Variants in PRRC2C observed in about 807,000 individuals in gnomAD.
The protein encoded by PRRC2C is proline rich coiled-coil 2C, also known as protein PRRC2C.
In PRRC2C, 72 loss-of-function variants were observed where a neutral mutation model predicts 317.2. The observed-to-expected ratio is 0.23, with a 90% CI of 0.19 to 0.28. The LOEUF is 0.28. PRRC2C is among the 10% of genes least tolerant of loss of function. The probability of loss-of-function intolerance (pLI) is 1.00; values close to 1 mark genes in which losing one functional copy is unlikely to be tolerated. For missense variants in PRRC2C, 3,074 were observed against 3,459.7 expected (o/e 0.89, Z 2.80); for synonymous variants, 1,296 against 1,205.9 (o/e 1.07, Z -1.55).
intron 13 of PRRC2C, 39 bp from the exon 14 acceptor site, chr1:171,535,990 G>A (rs1435338981): frequency 1.3e-6 from 2 of 1,548,672 alleles, no homozygotes; most frequent in East Asian, 2.4e-5. Flanking sequence ...TTTGTCATGT[G>A]GAACTAAACT....
chr1:171,570,431 G>C (rs1280623211), intron 23 of PRRC2C, among the ~76,000 whole-genome samples: 1 of 152,130 alleles, frequency 6.6e-6, no homozygotes, highest in Non-Finnish European at 1.5e-5. Context: ...ATGTCTTGAA[G>C]ATTAAATGCA....
Position 171,512,131 on chromosome 1 carries a change from A to G in PRRC2C, c.43A>G (p.Lys15Glu). The change falls in exon 2 of 35, where the codon AAA becomes GAA. Residue 15 changes from lysine to glutamate, a missense_variant. By Grantham distance (56) the Lys-to-Glu change is moderately conservative. Transcript: ENST00000647382. ...SGQSTKAKDGKKYATLSLFNT... is the reference protein window; with the variant it reads ...SGQSTKAKDGEKYATLSLFNT... ...CCAGAGCACAAAAGCAAAGGATGGG[A>G]AAAAGTATGCAACACTCAGTTTATT... The G allele has an allele frequency of 6.3e-7, 1 of 1,579,698 alleles. No individual in the cohort carries two copies.
At chr1:171,585,103 TTAAG>T (rs1649566299) in intron 30 of PRRC2C, among the ~76,000 whole-genome samples, 1 of 152,116 alleles carries the variant, frequency 6.6e-6, no homozygotes, top group Non-Finnish European at 1.5e-5. Context: ...TTTTTTTTAA[TTAAG>T]GGGGAAAAAA....
At chr1:171,552,659 G>A (rs1330684422) in intron 18 of PRRC2C, among the ~76,000 whole-genome samples, 1 of 152,178 alleles carries the variant, frequency 6.6e-6, no homozygotes, top group Non-Finnish European at 1.5e-5. Context: ...TTTATTGAGA[G>A]TTTTTAGTAT....
rs779804452 is a variant in PRRC2C, at chr1:171,532,633, G to A, written c.1545G>A (p.Arg515=). The change falls in exon 12 of 35, where the codon CGG becomes CGA. Residue 515 remains arginine, a synonymous_variant. Coordinates refer to ENST00000647382, the MANE Select transcript of PRRC2C (RefSeq NM_001387844.1). ...EIREREREKE[R]EREKELEKEQ... ...GGGAAAGGGAGCGAGAAAAAGAACG[G>A]GAGCGTGAGAAAGAACTTGAAAAAG... is the stretch of plus-strand genomic sequence containing the variant. 6.4e-7 allele frequency: 1 copy of A among 1,552,016 alleles called. No homozygotes were observed. The highest frequency in any genetic ancestry group is 2.0e-5 in the Admixed American group (1 of 50,968).
chr1:171,503,867 CAA>C (rs938785611), intron 1 of PRRC2C, among the ~76,000 whole-genome samples: 38 of 152,246 alleles, frequency 2.5e-4, no homozygotes, highest in African/African-American at 8.7e-4. Flanking sequence ...TGGCAGCAGA[CAA>C]AGAGAGAGAA....
rs1443613196 is a variant in PRRC2C at position 171,591,958 on chromosome 1, C to G, written c.*111C>G. On this transcript the variant is annotated 3_prime_UTR_variant, in exon 35 of 35. Transcript: ENST00000647382. ...AAATGGCCTGTGACATTATCCTGTT[C>G]AGAGCTTGGAGATGTACAAGGGACA... 7.9e-6 allele frequency: 11 copies of G among 1,387,786 alleles called. No homozygotes were observed. Among genetic ancestry groups the G allele is most frequent in the East Asian group, 2.3e-5 (1 of 43,484 alleles). The allele number at this position is 1,387,786 out of a possible 1,614,324, so 86.0% of individuals were successfully genotyped here.
intron 3 of PRRC2C, 126 bp downstream of exon 3, chr1:171,513,298 A>T: frequency 3.7e-6 from 4 of 1,084,454 alleles, no homozygotes; most frequent in Non-Finnish European, 5.3e-6. Context: ...TATACTCTTT[A>T]AAGTCTTTTG....
At chr1:171,532,252 T>A in intron 11 of PRRC2C, 91 bp from the exon 12 acceptor site, 1 of 1,348,850 alleles carries the variant, frequency 7.4e-7, no homozygotes, top group Non-Finnish European at 9.9e-7. Context: ...ATTTCTGATA[T>A]TTTTGTGGGG....
chr1:171,571,428 A>G lies in PRRC2C; in HGVS notation c.6753+7A>G. 1.3e-6 allele frequency: 2 copies of G among 1,561,406 alleles called. No homozygotes were observed. Among genetic ancestry groups the G allele is most frequent in the Non-Finnish European group, 1.8e-6 (2 of 1,132,336 alleles). On this transcript the variant is annotated splice_region_variant and intron_variant, in intron 24 of 34. Coordinates refer to ENST00000647382, the MANE Select transcript of PRRC2C (RefSeq NM_001387844.1). ...TTTCAGCCTCACCTTCAAGGTATGT[A>G]CAACATCCATCTCTAAGAGTCCTTA...
chr1:171,516,258 T>A (rs1672342015), intron 5 of PRRC2C, among the ~76,000 whole-genome samples: 1 of 152,162 alleles, frequency 6.6e-6, no homozygotes, highest in South Asian at 2.1e-4. Context: ...ACAAATAATT[T>A]TGGATAATGA....
intron 19 of PRRC2C, among the ~76,000 whole-genome samples, chr1:171,559,690 T>A (rs1020431129): frequency 6.6e-6 from 1 of 151,766 alleles, no homozygotes; most frequent in Non-Finnish European, 1.5e-5. Context: ...CCTGGCTAAT[T>A]TTGTATTTTT....
rs1033005028 is a variant in PRRC2C, at chr1:171,496,260, T to C, written c.-58+10525T>C. ...CCCTGTTGCCCTGGCTGGAGTACAG[T>C]GGTGCTATCTTGGCTCACTACAGCC... is the stretch of plus-strand genomic sequence containing the variant. On this transcript the variant is annotated intron_variant, in intron 1 of 34. Transcript: ENST00000647382. Among the ~76,000 whole-genome samples, 7 of 140,382 alleles carry C rather than the reference T, an allele frequency of 5.0e-5. No individual in the cohort carries two copies. In the East Asian group the frequency reaches 1.6e-3, roughly 31 times the overall value. 92.1% of individuals were successfully genotyped at this position (140,382 alleles called of 152,430 possible).
chr1:171,588,954 G>C (rs1650710871), intron 33 of PRRC2C, among the ~76,000 whole-genome samples: 1 of 152,172 alleles, frequency 6.6e-6, no homozygotes, highest in African/African-American at 2.4e-5. Context: ...AAAGGACTAA[G>C]AACTCTCACA....
chr1:171,579,995 A>G, intron 28 of PRRC2C, 31 bp downstream of exon 28: 1 of 1,457,558 alleles, frequency 6.9e-7, no homozygotes, highest in Non-Finnish European at 9.1e-7. Flanking sequence ...GTTTGTAATG[A>G]TGTTGAAAAC....
intron 34 of PRRC2C, chr1:171,591,019 CG>C (rs1266149569): frequency 1.4e-5 from 3 of 212,828 alleles, no homozygotes; most frequent in African/African-American, 7.0e-5. Flanking sequence ...ACAGATTTGA[CG>C]TAAGTATATT....
At chr1:171,565,980 G>A (rs1683573673) in intron 20 of PRRC2C, among the ~76,000 whole-genome samples, 1 of 152,156 alleles carries the variant, frequency 6.6e-6, no homozygotes, top group Admixed American at 6.5e-5. Flanking sequence ...GCTGTGCTTT[G>A]CCCATGATCA....
At chr1:171,564,567 T>C (rs1438963473) in intron 20 of PRRC2C, among the ~76,000 whole-genome samples, 2 of 152,236 alleles carry the variant, frequency 1.3e-5, no homozygotes, top group East Asian at 1.9e-4. Context: ...AATACATTCA[T>C]GCTTTGCTTA....
rs1445797095 is a variant in PRRC2C at position 171,541,410 on chromosome 1, T to C, written c.3944T>C (p.Ile1315Thr). 6.2e-7 allele frequency: 1 copy of C among 1,613,712 alleles called. No individual in the cohort carries two copies. The highest frequency in any genetic ancestry group is 1.1e-5 in the South Asian group (1 of 91,050). ...SSFKPDNHVR[I>T]DNRLLEKPYV... ...TTCAAGCCTGATAATCATGTTCGAA[T>C]AGATAATAGACTGCTAGAAAAGCCT... Residue 1315 changes from isoleucine (I) to threonine (T), a missense_variant, in exon 16 of 35, where the codon ATA becomes ACA. Around this residue, in one of 11 missense-constraint regions of PRRC2C, gnomAD observed 1,320 missense variants for 1,395.7 expected, o/e 0.95. Transcript: ENST00000647382. The surrounding 1 kb of genome is among the most constrained non-coding windows in gnomAD (Gnocchi z 4.1).
Sources: gnomAD v4.1 joint callset for allele counts (sites outside exome capture counted in the v4.1 genomes callset) on GRCh38, gnomAD v4.1.1 for gene constraint, gnomAD v4.1.1 regional missense constraint, Gnocchi (gnomAD v3.1) non-coding constraint, MANE v1.5 for transcripts, NCBI Gene and HGNC (gene_info 2026-07-23, HGNC 2026-07-21) for gene names.